The following ZNF106 variants were observed in gnomAD, a reference collection of about 807,000 sequenced individuals.
ZNF106 encodes the protein SH3-domain binding protein 3.
ZNF106 carries 67 observed loss-of-function variants against 195.1 expected under a neutral mutation model. That is an observed-to-expected ratio of 0.34 (90% CI 0.28 to 0.42). The LOEUF is 0.42. ZNF106 is among the 10% of genes least tolerant of loss of function. The pLI is 1.00. For missense variants in ZNF106, 2,118 were observed against 2,304.5 expected (o/e 0.92, Z 1.66); for synonymous variants, 784 against 818.6 (o/e 0.96, Z 0.72).
rs375471947 is a variant in ZNF106 at position 42,439,425 on chromosome 15, T to G, written c.4152A>C (p.Leu1384=). Residue 1384 remains leucine, a synonymous_variant, in exon 11 of 22, where the codon CTA becomes CTC. Transcript: ENST00000564754. ...KKKKLRKKKS[L]RAAHVPENSD... ...TATTCTCAGGAACATGGGCAGCCCG[T>G]AGACTTTTCTTCTTCCGGAGTTTCT... is the stretch of plus-strand genomic sequence containing the variant. 1 of 1,613,944 alleles carries G rather than the reference T, an allele frequency of 6.2e-7. No homozygotes were observed. Among genetic ancestry groups the G allele is most frequent in the African/African-American group, 1.3e-5 (1 of 74,898 alleles).
At chr15:42,484,762 G>C (rs1298032004) in intron 1 of ZNF106, among the ~76,000 whole-genome samples, 1 of 151,702 alleles carries the variant, frequency 6.6e-6, no homozygotes, top group East Asian at 1.9e-4. Context: ...CAGCATTGCT[G>C]TCTGCAATAT....
Position 42,472,258 on chromosome 15 carries a change from T to C in ZNF106, c.32A>G (p.His11Arg), listed in dbSNP as rs1379599836. Residue 11 changes from histidine (H) to arginine (R), a missense_variant, in exon 2 of 22, where the codon CAC (histidine) becomes CGC (arginine). Transcript: ENST00000564754. The part of the protein sequence containing the change: MVRERKCILC[H>R]IVYSSKKEMD... ...TACCTTTTTTGAGCTGTACACGATG[T>C]GGCATAATATGCATTTTCGTTCTCG... 2.6e-6 allele frequency: 4 copies of C among 1,535,824 alleles called. No homozygotes were observed. Among genetic ancestry groups the C allele is most frequent in the Non-Finnish European group, 3.5e-6 (4 of 1,146,818 alleles).
chr15:42,418,029 C>T, intron 20 of ZNF106, 78 bp from the exon 21 acceptor site: 2 of 1,400,462 alleles, frequency 1.4e-6, no homozygotes, highest in Non-Finnish European at 1.9e-6. Context: ...CAGCTGGATC[C>T]CATAAGCACT....
At position 42,451,247 on chromosome 15, in the gene ZNF106, A is replaced by C. The variant is rs757536769; in HGVS notation, c.1025T>G (p.Leu342Arg). 3 of 1,614,036 alleles carry C rather than the reference A, an allele frequency of 1.9e-6. No homozygotes were observed. In the African/African-American group the frequency reaches 4.0e-5, roughly 22 times the overall value. Reference protein sequence around the residue: ...EGLLDFNFEQLESQTTKQADT... With the variant: ...EGLLDFNFEQRESQTTKQADT... ...TGCTTGTTTAGTGGTTTGGCTTTCC[A>C]GCTGCTCAAAATTGAAGTCGAGTAA... The change falls in exon 5 of 22, where the codon CTG becomes CGG. Residue 342 changes from leucine (L) to arginine (R), a missense_variant. Physicochemically the swap from Leu to Arg is moderately radical, Grantham distance 102 (BLOSUM62 -2). Coordinates refer to ENST00000564754, the MANE Select transcript of ZNF106 (RefSeq NM_001366845.3).
chr15:42,439,823 G>C lies in ZNF106; in HGVS notation c.3764-10C>G. The C allele has an allele frequency of 1.3e-6, 2 of 1,493,688 alleles. No homozygotes were observed. The highest frequency in any genetic ancestry group is 1.8e-6 in the Non-Finnish European group (2 of 1,125,364). The allele number at this position is 1,493,688 out of a possible 1,614,324, so 92.5% of individuals were successfully genotyped here. On this transcript the variant is annotated splice_polypyrimidine_tract_variant and intron_variant, in intron 10 of 21. Coordinates refer to ENST00000564754, the MANE Select transcript of ZNF106 (RefSeq NM_001366845.3). ...CTGTCACTGATCTCTCCTGAATTGA[G>C]AGGAAAAAAATTATTGCATCCTTTT...
chr15:42,440,869 G>A (rs2055474347), intron 10 of ZNF106, among the ~76,000 whole-genome samples: 1 of 148,552 alleles, frequency 6.7e-6, no homozygotes, highest in Non-Finnish European at 1.5e-5. Flanking sequence ...TGTAATCCCA[G>A]CTATTCGGGA....
At chr15:42,437,632 C>T (rs886106011) in intron 12 of ZNF106, among the ~76,000 whole-genome samples, 1 of 152,114 alleles carries the variant, frequency 6.6e-6, no homozygotes, top group Admixed American at 6.5e-5. Context: ...TTGGGCCAGG[C>T]GTGGTGACTC....
chr15:42,457,766 T>C (rs1015433929), intron 3 of ZNF106, among the ~76,000 whole-genome samples: 1 of 152,206 alleles, frequency 6.6e-6, no homozygotes, highest in African/African-American at 2.4e-5. Flanking sequence ...GAAGGGCTTA[T>C]TTTAAAGGGA....
chr15:42,437,129 T>C, intron 13 of ZNF106, 103 bp downstream of exon 13: 1 of 1,289,842 alleles, frequency 7.8e-7, no homozygotes, highest in African/African-American at 1.5e-5. Context: ...GGCCCACCCC[T>C]TCCTTCAGAC....
intron 2 of ZNF106, among the ~76,000 whole-genome samples, chr15:42,471,363 C>T (rs2056663955): frequency 6.6e-6 from 1 of 152,166 alleles, no homozygotes; most frequent in Non-Finnish European, 1.5e-5. Flanking sequence ...ACTAGCAGCA[C>T]TACTCTGAAA....
chr15:42,464,435 T>C (rs1270003791), intron 3 of ZNF106, among the ~76,000 whole-genome samples: 1 of 151,786 alleles, frequency 6.6e-6, no homozygotes, highest in African/African-American at 2.4e-5. Context: ...CCTCCATCTA[T>C]CTTGTTTCCA....
chr15:42,490,871 G>A (rs2057147675), intron 1 of ZNF106, 109 bp downstream of exon 1: 1 of 152,408 alleles, frequency 6.6e-6, no homozygotes, highest in African/African-American at 2.4e-5. Context: ...CAGCCTGCAG[G>A]AGTAGAAACC....
intron 1 of ZNF106, among the ~76,000 whole-genome samples, chr15:42,488,798 CGGGCACT>C (rs1171459322): frequency 3.3e-5 from 5 of 152,038 alleles, no homozygotes; most frequent in Admixed American, 1.3e-4. Flanking sequence ...CAATTGAGGC[CGGGCACT>C]GTGGCTCACA....
chr15:42,456,674 T>C (rs372153017), intron 4 of ZNF106, among the ~76,000 whole-genome samples: 64 of 151,894 alleles, frequency 4.2e-4, no homozygotes, highest in African/African-American at 1.5e-3. Flanking sequence ...AAAAAAAGAT[T>C]TGGATACCAA....
At chr15:42,489,415 G>C (rs2057090254) in intron 1 of ZNF106, among the ~76,000 whole-genome samples, 1 of 151,922 alleles carries the variant, frequency 6.6e-6, no homozygotes, top group African/African-American at 2.4e-5. Context: ...GACCTCAGGT[G>C]ATCCGCCCGC....
intron 14 of ZNF106, among the ~76,000 whole-genome samples, chr15:42,430,482 G>A (rs1410437747): frequency 6.6e-6 from 1 of 151,956 alleles, no homozygotes; most frequent in Admixed American, 6.6e-5. Flanking sequence ...GAGGCTCAAG[G>A]AATCCTCCCA....
chr15:42,441,001 ATATATATAT>A lies in ZNF106; in HGVS notation c.3763+1063_3763+1071del, dbSNP rs2055505006. Among the ~76,000 whole-genome samples the A allele has an allele frequency of 1.4e-3, 23 of 16,348 alleles. 2 individuals are homozygous for A. Among genetic ancestry groups the A allele is most frequent in the Non-Finnish European group, 2.1e-3 (14 of 6,826 alleles). 10.7% of individuals were successfully genotyped at this position (16,348 alleles called of 152,430 possible). A position where few individuals can be genotyped will look rare whatever the true frequency, so the allele number is the denominator to read the frequency against. On this transcript the variant is annotated intron_variant, in intron 10 of 21. Coordinates refer to ENST00000564754, the MANE Select transcript of ZNF106 (RefSeq NM_001366845.3). ...CTCTGTCTAAAAAAAAAAAAAAAATATATATATATATATATATATATATATATATATATA... is the reference window on the plus strand; with the variant it reads ...CTCTGTCTAAAAAAAAAAAAAAAATAATATATATATATATATATATATATA...
rs149715847 is a variant in ZNF106, at chr15:42,450,252, C to T, written c.2020G>A (p.Glu674Lys). The change falls in exon 5 of 22, where the codon GAA (glutamate) becomes AAA (lysine). Residue 674 changes from glutamate to lysine, a missense_variant. Transcript: ENST00000564754. ...GCAGATGTCATTTGTAATTCAGATT[C>T]TTTCTGGCGAACTATGGGATTACAT... ...SPCNPIVRQK[E>K]SELQMTSAAS... 6.2e-7 allele frequency: 1 copy of T among 1,614,194 alleles called. No individual in the cohort carries two copies. Among genetic ancestry groups the T allele is most frequent in the Non-Finnish European group, 8.5e-7 (1 of 1,180,030 alleles).
rs774120590 is a variant in ZNF106, at chr15:42,456,980, T to C, written c.295A>G (p.Lys99Glu). The C allele has an allele frequency of 3.7e-6, 6 of 1,612,752 alleles. No individual in the cohort carries two copies. In the African/African-American group the frequency reaches 8.0e-5, roughly 22 times the overall value. ...TACCGACTTTGTTCTTTCCTTTGTT[T>C]TATTAACTGAATGAGTTCCTTGTCA... ...YFDKELIQLI[K>E]QRKEQSRQDE... is the part of the protein sequence containing the mutation. Residue 99 changes from lysine (K) to glutamate (E), a missense_variant, in exon 4 of 22, where the codon AAA becomes GAA. Coordinates refer to ENST00000564754, the MANE Select transcript of ZNF106 (RefSeq NM_001366845.3).
Sources: gnomAD v4.1 joint callset for allele counts (sites outside exome capture counted in the v4.1 genomes callset) on GRCh38, gnomAD v4.1.1 for gene constraint, MANE v1.5 for transcripts, NCBI Gene and HGNC (gene_info 2026-07-23, HGNC 2026-07-21) for gene names.